FAM89A: variants seen among roughly 807,000 people sequenced by gnomAD.
FAM89A encodes protein FAM89A.
Under a neutral mutation model 7.1 loss-of-function variants are expected in FAM89A, and 10 were observed. That is an observed-to-expected ratio of 1.40 (90% CI 0.86 to 2.38). FAM89A has a LOEUF of 2.38. Ranked by LOEUF, FAM89A falls within the 30% of genes most tolerant of loss-of-function variation. The pLI, the probability that FAM89A is intolerant of heterozygous loss-of-function variation, is 0.00. For missense variants in FAM89A, 276 were observed against 262.8 expected, an observed-to-expected ratio of 1.05 and a Z score of -0.35; for synonymous variants, 157 against 129.3, an observed-to-expected ratio of 1.21 and a Z score of -1.45.
intron 1 of FAM89A, chr1:231,021,850 T>C (rs747056789): frequency 5.4e-5 from 86 of 1,596,100 alleles, no homozygotes; most frequent in Non-Finnish European, 7.0e-5. Flanking sequence ...GGAGGAATGC[T>C]AGGAGGCTGC....
chr1:231,036,605 C>T (rs534723242), intron 1 of FAM89A, among the ~76,000 whole-genome samples: 1 of 152,070 alleles, frequency 6.6e-6, no homozygotes, highest in South Asian at 2.1e-4. Context: ...AACCACAACT[C>T]TCCAAGCAGA....
intron 1 of FAM89A, among the ~76,000 whole-genome samples, chr1:231,023,575 T>G (rs1384202491): frequency 6.6e-6 from 1 of 152,204 alleles, no homozygotes; most frequent in Non-Finnish European, 1.5e-5. Context: ...CAGTTTACCC[T>G]TCTGAAGGAG....
intron 1 of FAM89A, among the ~76,000 whole-genome samples, chr1:231,037,900 C>T (rs1680185384): frequency 6.6e-6 from 1 of 152,194 alleles, no homozygotes; most frequent in African/African-American, 2.4e-5. Flanking sequence ...TCACATTCTA[C>T]CATGACATCT....
chr1:231,025,403 A>G (rs913333188), intron 1 of FAM89A, among the ~76,000 whole-genome samples: 2 of 152,188 alleles, frequency 1.3e-5, no homozygotes, highest in Non-Finnish European at 2.9e-5. Context: ...TAGCTCAAAC[A>G]CTTTGTGACC....
In FAM89A at chr1:231,019,547, C is replaced by A; in HGVS notation, c.*316G>T. On this transcript the variant is annotated 3_prime_UTR_variant, in exon 2 of 2. Coordinates refer to ENST00000366654, the MANE Select transcript of FAM89A (RefSeq NM_198552.3). ...GCTACAAGCCACCTCACACAAAACACCCACTAAGGCCTTTCACCGAGATCC... is the reference window on the plus strand; with the variant it reads ...GCTACAAGCCACCTCACACAAAACAACCACTAAGGCCTTTCACCGAGATCC... 1 of 276,542 alleles carries A rather than the reference C, an allele frequency of 3.6e-6. No individual in the cohort carries two copies. The highest frequency in any genetic ancestry group is 6.9e-6 in the Non-Finnish European group (1 of 145,656). The allele number at this position is 276,542 out of a possible 1,614,324, so 17.1% of individuals were successfully genotyped here. A position where few individuals can be genotyped will look rare whatever the true frequency, so the allele number is the denominator to read the frequency against.
intron 1 of FAM89A, among the ~76,000 whole-genome samples, chr1:231,029,439 C>T (rs563701327): frequency 2.0e-4 from 31 of 152,024 alleles, no homozygotes; most frequent in Non-Finnish European, 3.8e-4. Flanking sequence ...CTGCAGTGCG[C>T]TGTGATCGCA....
At chr1:231,021,936 C>A in intron 1 of FAM89A, 1 of 1,451,822 alleles carries the variant, frequency 6.9e-7, no homozygotes, top group Non-Finnish European at 9.7e-7. Context: ...GTGTATGTGA[C>A]TACCCACACT....
chr1:231,039,948 G>T lies in FAM89A; in HGVS notation c.264C>A (p.Ala88=). The T allele has an allele frequency of 7.4e-7, 1 of 1,356,392 alleles. No individual in the cohort carries two copies. 84.0% of individuals were successfully genotyped at this position (1,356,392 alleles called of 1,614,324 possible). The part of the protein sequence containing the change: ...ALPAKPPNLD[A]ALALLRKEMV... The stretch of plus-strand genomic sequence containing the variant: ...TCTCTTTGCGGAGCAGCGCCAGAGC[G>T]GCGTCCAGGTTGGGAGGCTTGGCGG... Residue 88 remains alanine (A), a synonymous_variant, in exon 1 of 2, where the codon GCC becomes GCA. Coordinates refer to ENST00000366654, the MANE Select transcript of FAM89A (RefSeq NM_198552.3).
At chr1:231,026,698 C>T (rs1182819580) in intron 1 of FAM89A, 1 of 152,204 alleles carries the variant, frequency 6.6e-6, no homozygotes, top group Non-Finnish European at 1.5e-5. Flanking sequence ...CCACTAACAC[C>T]CGTGGCCTTT....
chr1:231,038,770 A>G (rs1393992243), intron 1 of FAM89A, among the ~76,000 whole-genome samples: 1 of 148,420 alleles, frequency 6.7e-6, no homozygotes, highest in East Asian at 1.9e-4. Context: ...TTCAGAACAG[A>G]TAATGCTCCT....
chr1:231,034,571 G>A (rs1267018815), intron 1 of FAM89A, among the ~76,000 whole-genome samples: 2 of 152,046 alleles, frequency 1.3e-5, no homozygotes, highest in African/African-American at 4.8e-5. Flanking sequence ...TCAGAAGTTC[G>A]AGACCAGCCT....
At chr1:231,020,709 T>C (rs569275158) in intron 1 of FAM89A, among the ~76,000 whole-genome samples, 145 of 152,278 alleles carry the variant, frequency 9.5e-4, no homozygotes, top group African/African-American at 2.7e-3. Context: ...TTATCCCAGA[T>C]GGTTCTGGGA....
intron 1 of FAM89A, among the ~76,000 whole-genome samples, chr1:231,031,643 G>T (rs1680071542): frequency 6.6e-6 from 1 of 152,108 alleles, no homozygotes; most frequent in African/African-American, 2.4e-5. Flanking sequence ...TGAAACTGTG[G>T]TTCTTCAGAT....
chr1:231,022,054 C>G lies in FAM89A; in HGVS notation c.292-1928G>C, dbSNP rs1572353391. The G allele has an allele frequency of 2.1e-6, 3 of 1,417,750 alleles. No individual in the cohort carries two copies. The East Asian group carries it at 6.8e-5, about 32-fold the overall frequency. 87.8% of individuals were successfully genotyped at this position (1,417,750 alleles called of 1,614,324 possible). ...CAGAGATCGTGCAGAATAGACGTCT[C>G]ATCGTTTCCACAGAATGTGGCCATG... is the stretch of plus-strand genomic sequence containing the variant. On this transcript the variant is annotated intron_variant, in intron 1 of 1. Transcript: ENST00000366654.
chr1:231,024,284 C>A (rs964564094), intron 1 of FAM89A, among the ~76,000 whole-genome samples: 5 of 151,720 alleles, frequency 3.3e-5, no homozygotes, highest in Non-Finnish European at 7.4e-5. Flanking sequence ...TTTATAATTA[C>A]CGAAATGACT....
chr1:231,021,774 A>T, intron 1 of FAM89A: 1 of 1,602,908 alleles, frequency 6.2e-7, no homozygotes. Flanking sequence ...GAATCTTTAG[A>T]GCCTGTGGTG....
At chr1:231,028,248 C>T (rs1214272010) in intron 1 of FAM89A, among the ~76,000 whole-genome samples, 1 of 152,148 alleles carries the variant, frequency 6.6e-6, no homozygotes, top group East Asian at 1.9e-4. Flanking sequence ...AGCATCAGAC[C>T]ACTGAGTCCC....
chr1:231,023,710 G>T (rs1572354057), intron 1 of FAM89A, among the ~76,000 whole-genome samples: 1 of 152,180 alleles, frequency 6.6e-6, no homozygotes, highest in East Asian at 1.9e-4. Flanking sequence ...CAGTTAGTTT[G>T]AATGAAAATA....
At chr1:231,037,455 A>T (rs1028377261) in intron 1 of FAM89A, among the ~76,000 whole-genome samples, 4 of 152,134 alleles carry the variant, frequency 2.6e-5, no homozygotes, top group Non-Finnish European at 4.4e-5. Context: ...CGGCTTCAGA[A>T]AAGTGTCTCC....
Sources: gnomAD v4.1 joint callset for allele counts (sites outside exome capture counted in the v4.1 genomes callset) on GRCh38, gnomAD v4.1.1 for gene constraint, MANE v1.5 for transcripts, NCBI Gene and HGNC (gene_info 2026-07-23, HGNC 2026-07-21) for gene names.